The following MRPL3 variants were observed in gnomAD, a reference collection of about 807,000 sequenced individuals.
MRPL3 encodes large ribosomal subunit protein uL3m.
MRPL3 carries 43 observed loss-of-function variants against 44.3 expected under a neutral mutation model. That is an observed-to-expected ratio of 0.97 (90% CI 0.76 to 1.25). The LOEUF (loss-of-function observed/expected upper bound fraction) is 1.25, where lower values mean the gene tolerates loss of function less well. Among genes scored for constraint, MRPL3 ranks in the 50% most tolerant of loss-of-function variants. MRPL3 has a pLI of 0.00. For missense variants in MRPL3, 406 were observed against 427.6 expected (o/e 0.95, Z 0.45); for synonymous variants, 171 against 152.3 (o/e 1.12, Z -0.91).
At chr3:131,494,642 C>T (rs1295711418) in intron 4 of MRPL3, among the ~76,000 whole-genome samples, 3 of 151,994 alleles carry the variant, frequency 2.0e-5, no homozygotes, top group Admixed American at 2.0e-4. Context: ...ATAAATAGAA[C>T]CAAGGTAAAA....
chr3:131,487,806 T>G (rs1934162959), intron 5 of MRPL3, 66 bp from the exon 6 acceptor site: 23 of 1,298,556 alleles, frequency 1.8e-5, no homozygotes, highest in Non-Finnish European at 2.5e-5. Flanking sequence ...TTATTCAACA[T>G]AAACTATATC....
chr3:131,484,018 G>C (rs1934055444), intron 6 of MRPL3, among the ~76,000 whole-genome samples: 1 of 152,102 alleles, frequency 6.6e-6, no homozygotes, highest in Admixed American at 6.5e-5. Flanking sequence ...TTACTAAACA[G>C]ACTAGTTTTC....
At chr3:131,485,217 T>G (rs917167645) in intron 6 of MRPL3, among the ~76,000 whole-genome samples, 14 of 152,148 alleles carry the variant, frequency 9.2e-5, no homozygotes, top group African/African-American at 3.4e-4. Flanking sequence ...AAAATCACTT[T>G]AAAGAAGCCA....
At chr3:131,475,615 G>A (rs1933837022) in intron 6 of MRPL3, among the ~76,000 whole-genome samples, 1 of 152,208 alleles carries the variant, frequency 6.6e-6, no homozygotes, top group Non-Finnish European at 1.5e-5. Flanking sequence ...CATTAAGCCT[G>A]TGAACAGTGT....
At chr3:131,465,255 T>A (rs992570795) in intron 9 of MRPL3, among the ~76,000 whole-genome samples, 7 of 152,242 alleles carry the variant, frequency 4.6e-5, no homozygotes, top group Admixed American at 2.6e-4. Flanking sequence ...CTTCTGAGTA[T>A]CTTCAGTGAT....
chr3:131,496,716 CT>C (rs1256610510), intron 4 of MRPL3, among the ~76,000 whole-genome samples: 2 of 152,204 alleles, frequency 1.3e-5, no homozygotes, highest in Admixed American at 6.5e-5. Context: ...CAACTCTCCC[CT>C]GATCTCTTAA....
At chr3:131,481,277 C>G (rs774605464) in intron 6 of MRPL3, among the ~76,000 whole-genome samples, 8 of 152,166 alleles carry the variant, frequency 5.3e-5, no homozygotes, top group Non-Finnish European at 8.8e-5. Context: ...GTCATGTTTT[C>G]TATTCATTTC....
intron 2 of MRPL3, among the ~76,000 whole-genome samples, chr3:131,500,918 G>T (rs1225541155): frequency 6.6e-6 from 1 of 152,210 alleles, no homozygotes; most frequent in Non-Finnish European, 1.5e-5. Context: ...CTATAGAGAT[G>T]CCACAACTGG....
At chr3:131,483,133 A>C (rs1287240495) in intron 6 of MRPL3, among the ~76,000 whole-genome samples, 1 of 152,122 alleles carries the variant, frequency 6.6e-6, no homozygotes, top group Non-Finnish European at 1.5e-5. Flanking sequence ...TCCCTCTTCA[A>C]AATCGAGACT....
chr3:131,487,534 T>A, intron 6 of MRPL3, 146 bp downstream of exon 6: 1 of 670,142 alleles, frequency 1.5e-6, no homozygotes, highest in Non-Finnish European at 2.6e-6. Flanking sequence ...AAAACCAGTG[T>A]AGGTAACATG....
chr3:131,486,429 C>T (rs1582713183), intron 6 of MRPL3, among the ~76,000 whole-genome samples: 3 of 107,356 alleles, frequency 2.8e-5, no homozygotes. Context: ...AGGCAACCTA[C>T]AGAATGGGAG....
In MRPL3 at chr3:131,462,673, G is replaced by A. The variant is rs1352245074; in HGVS notation, c.*50C>T. The A allele has an allele frequency of 2.0e-6, 3 of 1,531,560 alleles. No homozygotes were observed. The highest frequency in any genetic ancestry group is 2.8e-5 in the African/African-American group (2 of 72,718). The allele number at this position is 1,531,560 out of a possible 1,614,324, so 94.9% of individuals were successfully genotyped here. ...TTTCTGGTGGTTATGATATCACTCT[G>A]GCTCATCGAAGCTCACAGAATATGT... On this transcript the variant is annotated 3_prime_UTR_variant, in exon 10 of 10. Transcript: ENST00000264995.
chr3:131,495,675 T>C (rs1465492639), intron 4 of MRPL3, among the ~76,000 whole-genome samples: 1 of 152,202 alleles, frequency 6.6e-6, no homozygotes. Context: ...TATCATTCTG[T>C]AATATTAATT....
In MRPL3 at chr3:131,478,371, G is replaced by A. The variant is rs568581446; in HGVS notation, c.630-7092C>T. Reference sequence around the variant, plus strand: ...CTTCCTTCAAGTTATCCTACCACAGGGCAGAATTCCCAAGGTGGTAATCTA... The same window carrying A: ...CTTCCTTCAAGTTATCCTACCACAGAGCAGAATTCCCAAGGTGGTAATCTA... On this transcript the variant is annotated intron_variant, in intron 6 of 9. Transcript: ENST00000264995. 1.6e-4 allele frequency among the ~76,000 whole-genome samples: 25 copies of A among 151,814 alleles called. No homozygotes were observed. The South Asian group carries it at 4.6e-3, about 28-fold the overall frequency.
In MRPL3 at chr3:131,502,878, C is replaced by A. The variant is rs775765836; in HGVS notation, c.-57G>T. 6.6e-7 allele frequency: 1 copy of A among 1,518,826 alleles called. No homozygotes were observed. Among genetic ancestry groups the A allele is most frequent in the Non-Finnish European group, 9.1e-7 (1 of 1,103,314 alleles). The allele number at this position is 1,518,826 out of a possible 1,614,324, so 94.1% of individuals were successfully genotyped here. Reference sequence around the variant, plus strand: ...TCCGGGCGCCCTGCCGCTCTGCTTTCAGGGAGTCCCCACGCCACCGCCACG... The same window carrying A: ...TCCGGGCGCCCTGCCGCTCTGCTTTAAGGGAGTCCCCACGCCACCGCCACG... On this transcript the variant is annotated 5_prime_UTR_variant, in exon 1 of 10. Transcript: ENST00000264995.
intron 7 of MRPL3, among the ~76,000 whole-genome samples, chr3:131,470,240 CAG>C (rs767587536): frequency 6.6e-6 from 1 of 152,118 alleles, no homozygotes; most frequent in Non-Finnish European, 1.5e-5. Context: ...TATTCAAGGA[CAG>C]AGTTAGTTAT....
chr3:131,481,880 C>G (rs372924926), intron 6 of MRPL3, among the ~76,000 whole-genome samples: 4 of 152,152 alleles, frequency 2.6e-5, no homozygotes, highest in East Asian at 3.8e-4. Flanking sequence ...TGAAAATGTA[C>G]AGGACAGCAC....
At chr3:131,484,044 A>C (rs1582711608) in intron 6 of MRPL3, among the ~76,000 whole-genome samples, 1 of 152,228 alleles carries the variant, frequency 6.6e-6, no homozygotes, top group East Asian at 1.9e-4. Context: ...TATGCTAACT[A>C]AAATGTAATA....
intron 6 of MRPL3, among the ~76,000 whole-genome samples, chr3:131,479,704 GC>G (rs1321162507): frequency 6.6e-6 from 1 of 152,084 alleles, no homozygotes; most frequent in East Asian, 1.9e-4. Flanking sequence ...AAATAGCCAG[GC>G]GTGGTGGCAG....
Sources: gnomAD v4.1 joint callset for allele counts (sites outside exome capture counted in the v4.1 genomes callset) on GRCh38, gnomAD v4.1.1 for gene constraint, MANE v1.5 for transcripts, NCBI Gene and HGNC (gene_info 2026-07-23, HGNC 2026-07-21) for gene names.